The following OR51B5 variants were observed in gnomAD, a reference collection of about 807,000 sequenced individuals.
OR51B5 encodes olfactory receptor 51B5.
For missense variants in OR51B5, 456 were observed against 374.6 expected, an observed-to-expected ratio of 1.22 and a Z score of -1.79; for synonymous variants, 186 against 144.8, an observed-to-expected ratio of 1.28 and a Z score of -2.04.
intron 1 of OR51B5, among the ~76,000 whole-genome samples, chr11:5,487,750 A>G (rs1284022172): frequency 2.6e-5 from 4 of 152,152 alleles, no homozygotes; most frequent in Admixed American, 2.6e-4. Flanking sequence ...TGCCATTCTG[A>G]TCTGACCTCA....
chr11:5,379,481 A>AAAAT (rs1406699361), intron 1 of OR51B5, among the ~76,000 whole-genome samples: 1 of 151,570 alleles, frequency 6.6e-6, no homozygotes, highest in East Asian at 1.9e-4. Context: ...AATAAAATAA[A>AAAAT]TAAAAAAATA....
intron 1 of OR51B5, among the ~76,000 whole-genome samples, chr11:5,424,402 G>T (rs534723556): frequency 6.6e-6 from 1 of 152,130 alleles, no homozygotes; most frequent in African/African-American, 2.4e-5. Context: ...AGATGAAAGA[G>T]TCCTGCTACC....
chr11:5,487,195 T>G (rs919095840), intron 1 of OR51B5, among the ~76,000 whole-genome samples: 4 of 152,322 alleles, frequency 2.6e-5, no homozygotes, highest in African/African-American at 4.8e-5. Context: ...GATTGGTCTT[T>G]TCATTGGTTA....
At chr11:5,473,829 T>A (rs1364728229) in intron 1 of OR51B5, among the ~76,000 whole-genome samples, 1 of 150,382 alleles carries the variant, frequency 6.6e-6, no homozygotes, top group Non-Finnish European at 1.5e-5. Context: ...GGACAAAAAA[T>A]TTAATTGTTT....
intron 1 of OR51B5, among the ~76,000 whole-genome samples, chr11:5,500,221 C>G (rs1851698195): frequency 1.3e-5 from 2 of 152,196 alleles, no homozygotes; most frequent in African/African-American, 4.8e-5. Flanking sequence ...GTAGTAAACC[C>G]AACTGAAAGC....
intron 1 of OR51B5, among the ~76,000 whole-genome samples, chr11:5,406,485 G>T (rs1282912486): frequency 4.6e-5 from 7 of 152,050 alleles, no homozygotes; most frequent in Admixed American, 1.3e-4. Flanking sequence ...GGCTCCCTGG[G>T]ATTTTCTACC....
chr11:5,404,257 G>A (rs1850023919), intron 1 of OR51B5, among the ~76,000 whole-genome samples: 1 of 152,112 alleles, frequency 6.6e-6, no homozygotes, highest in Admixed American at 6.5e-5. Flanking sequence ...TCTAGCTAAA[G>A]GTTTGTAAAC....
intron 1 of OR51B5, among the ~76,000 whole-genome samples, chr11:5,394,184 G>A (rs1320524119): frequency 6.6e-6 from 1 of 151,702 alleles, no homozygotes; most frequent in East Asian, 1.9e-4. Context: ...TTATAACCTA[G>A]GTATTATTCT....
At chr11:5,405,018 C>T (rs11037251) in intron 1 of OR51B5, among the ~76,000 whole-genome samples, 19,543 of 152,132 alleles carry the variant, frequency 0.13, 1,370 homozygotes, top group East Asian at 0.24. Flanking sequence ...AGACCAAGAA[C>T]CCACCGTTGC....
intron 1 of OR51B5, among the ~76,000 whole-genome samples, chr11:5,445,563 T>G (rs917581053): frequency 2.0e-5 from 3 of 151,898 alleles, no homozygotes; most frequent in Non-Finnish European, 4.4e-5. Context: ...TACAGACCAA[T>G]AAAGACGCAG....
intron 1 of OR51B5, among the ~76,000 whole-genome samples, chr11:5,363,467 T>A (rs556310621): frequency 5.0e-4 from 71 of 143,412 alleles, no homozygotes; most frequent in South Asian, 1.3e-3. Context: ...ACTCTCTCTC[T>A]CACACAAAAG....
In OR51B5 at chr11:5,476,322, A is replaced by T. The variant is rs560103912; in HGVS notation, n.84+29247T>A. Among the ~76,000 whole-genome samples, 3 of 152,348 alleles carry T rather than the reference A, an allele frequency of 2.0e-5. No individual in the cohort carries two copies. In the East Asian group the frequency reaches 5.8e-4, roughly 29 times the overall value. ...TCAAAATGGAGCCACTGTGAGTTAAATAACTTATCTATAGTCACAAATCAC... is the reference window on the plus strand; with the variant it reads ...TCAAAATGGAGCCACTGTGAGTTAATTAACTTATCTATAGTCACAAATCAC... On this transcript the variant is annotated intron_variant and non_coding_transcript_variant, in intron 1 of 4. Transcript: ENST00000415970.
chr11:5,413,381 C>T (rs183439567), intron 1 of OR51B5, among the ~76,000 whole-genome samples: 1 of 152,280 alleles, frequency 6.6e-6, no homozygotes, highest in African/African-American at 2.4e-5. Context: ...CAGAGCACCT[C>T]TCCTCCTCCA....
rs1849139906 is a variant in OR51B5 at position 5,353,753 on chromosome 11, ATCTCTGGCCTCT to A, written n.85-6855_85-6844del. Among the ~76,000 whole-genome samples the A allele has an allele frequency of 8.5e-5, 13 of 152,376 alleles. No homozygotes were observed. The South Asian group carries it at 2.7e-3, about 32-fold the overall frequency. ...GTGACCAGTCAGCTGGATGCCCCTC[ATCTCTGGCCTCT>A]GTCATACTGACACTCAGTGATCTAT... On this transcript the variant is annotated intron_variant and non_coding_transcript_variant, in intron 1 of 4. Transcript: ENST00000415970.
At chr11:5,373,120 A>G (rs954551965) in intron 1 of OR51B5, among the ~76,000 whole-genome samples, 6 of 152,192 alleles carry the variant, frequency 3.9e-5, no homozygotes, top group Non-Finnish European at 7.3e-5. Flanking sequence ...TCCAAATGCA[A>G]AAGAATAAAA....
intron 1 of OR51B5, chr11:5,423,276 C>G (rs2647572): frequency 7.7e-7 from 1 of 1,297,362 alleles, no homozygotes; most frequent in South Asian, 1.7e-5. Flanking sequence ...TGACAAGTCC[C>G]TGGCTTTTAG....
intron 1 of OR51B5, among the ~76,000 whole-genome samples, chr11:5,364,096 T>TATAG (rs1329926224): frequency 2.0e-5 from 3 of 152,196 alleles, no homozygotes; most frequent in Non-Finnish European, 4.4e-5. Context: ...TAAGGTCGAT[T>TATAG]ATAGATTCAA....
At chr11:5,448,142 T>A (rs1004753338) in intron 1 of OR51B5, among the ~76,000 whole-genome samples, 1 of 152,194 alleles carries the variant, frequency 6.6e-6, no homozygotes, top group African/African-American at 2.4e-5. Flanking sequence ...CCTTTTTGTC[T>A]TGTGTGTTCG....
chr11:5,396,700 C>G (rs1849877505), intron 1 of OR51B5, among the ~76,000 whole-genome samples: 1 of 151,858 alleles, frequency 6.6e-6, no homozygotes, highest in Non-Finnish European at 1.5e-5. Context: ...TTGGAAAAAA[C>G]TACTTTAAAG....
Sources: gnomAD v4.1 joint callset for allele counts (sites outside exome capture counted in the v4.1 genomes callset) on GRCh38, gnomAD v4.1.1 for gene constraint, MANE v1.5 for transcripts, NCBI Gene and HGNC (gene_info 2026-07-23, HGNC 2026-07-21) for gene names.